The following RFT1 variants were observed in gnomAD, a reference collection of about 807,000 sequenced individuals.
The protein encoded by RFT1 is RFT1 glycolipid translocator homolog.
A neutral mutation model predicts 62.2 loss-of-function variants in RFT1; 43 were observed. The observed-to-expected ratio is 0.69, with a 90% CI of 0.54 to 0.89. The LOEUF is 0.89. RFT1 is among the 40% of genes least tolerant of loss of function. The probability of loss-of-function intolerance (pLI) is 0.00; values close to 1 mark genes in which losing one functional copy is unlikely to be tolerated. For synonymous variants in RFT1, 262 were observed against 264.6 expected (o/e 0.99, Z 0.10); for missense variants, 605 against 649.9 (o/e 0.93, Z 0.75).
chr3:53,080,063 G>GA, the RFT1 span, among the ~76,000 whole-genome samples: 6 of 151,928 alleles, frequency 3.9e-5, no homozygotes, highest in Non-Finnish European at 5.9e-5. Flanking sequence ...ACTTTCTTCA[G>GA]AAACTGCCAC....
At chr3:53,081,814 A>G in the RFT1 span, among the ~76,000 whole-genome samples, 1 of 152,214 alleles carries the variant, frequency 6.6e-6, no homozygotes, top group African/African-American at 2.4e-5. Flanking sequence ...TTTGTGCGAA[A>G]CAATTACCCT....
At chr3:53,101,867 G>A (rs538627892) in intron 10 of RFT1, among the ~76,000 whole-genome samples, 1 of 152,158 alleles carries the variant, frequency 6.6e-6, no homozygotes, top group Non-Finnish European at 1.5e-5. Flanking sequence ...GCGAAACCCC[G>A]TCTCTACTAA....
At chr3:53,118,917 CAGA>C (rs1324413275) in intron 6 of RFT1, among the ~76,000 whole-genome samples, 1 of 152,152 alleles carries the variant, frequency 6.6e-6, no homozygotes, top group East Asian at 1.9e-4. Flanking sequence ...GCCTGACACT[CAGA>C]AGGAGACCAC....
At chr3:53,114,642 C>CTATTTCACAAAT (rs1701742850) in intron 6 of RFT1, among the ~76,000 whole-genome samples, 1 of 152,102 alleles carries the variant, frequency 6.6e-6, no homozygotes, top group Non-Finnish European at 1.5e-5. Context: ...CAAAAGAGGC[C>CTATTTCACAAAT]TATTTCACAA....
chr3:53,111,715 A>G, intron 7 of RFT1, 115 bp downstream of exon 7: 5 of 867,116 alleles, frequency 5.8e-6, no homozygotes, highest in South Asian at 5.4e-5. Flanking sequence ...CCCATTTCTG[A>G]AATTCTTCTG....
chr3:53,080,769 CA>C, the RFT1 span, among the ~76,000 whole-genome samples: 2 of 152,162 alleles, frequency 1.3e-5, no homozygotes, highest in Non-Finnish European at 2.9e-5. Flanking sequence ...AACTGAGGCA[CA>C]GGGGGATCAA....
chr3:53,106,803 C>A lies in RFT1; in HGVS notation c.826+16G>T. ...GTGTTCACCTTTAATTAAAACACTA[C>A]AGAATTTCATCTTACCCTGATCACC... On this transcript the variant is annotated intron_variant, in intron 8 of 12. Coordinates refer to ENST00000296292, the MANE Select transcript of RFT1 (RefSeq NM_052859.4). 1.3e-6 allele frequency: 2 copies of A among 1,582,816 alleles called. No individual in the cohort carries two copies. The highest frequency in any genetic ancestry group is 1.7e-6 in the Non-Finnish European group (2 of 1,151,828).
Position 53,123,849 on chromosome 3 carries a change from G to C in RFT1, c.150-9C>G. ...AGTAAAGCAGCGTTAGTCTGTAAATGAAAGGGAGAAATCAATAAGGTCTCA... is the reference window on the plus strand; with the variant it reads ...AGTAAAGCAGCGTTAGTCTGTAAATCAAAGGGAGAAATCAATAAGGTCTCA... On this transcript the variant is annotated splice_polypyrimidine_tract_variant and intron_variant, in intron 2 of 12. Coordinates refer to ENST00000296292, the MANE Select transcript of RFT1 (RefSeq NM_052859.4). The C allele has an allele frequency of 6.2e-7, 1 of 1,602,854 alleles. No individual in the cohort carries two copies.
rs752385816 is a variant in RFT1 at position 53,106,868 on chromosome 3, G to A, written c.777C>T (p.Gly259=). The A allele has an allele frequency of 7.4e-6, 12 of 1,611,932 alleles. No homozygotes were observed. The East Asian group carries it at 8.9e-5, about 12-fold the overall frequency. The change falls in exon 8 of 13, where the codon GGC becomes GGT. Residue 259 remains glycine, a splice_region_variant and synonymous_variant. Coordinates refer to ENST00000296292, the MANE Select transcript of RFT1 (RefSeq NM_052859.4). ...QSFLKQILTE[G]ERYVMTFLNV... is the part of the protein sequence containing the mutation. ...TCAAAAATGTCATCACATATCGCTC[G>A]CCTATAAACAAAAAAGCAAAATAAT...
At chr3:53,092,676 C>A (rs976670481) in intron 11 of RFT1, 58 bp from the exon 12 acceptor site, 2 of 1,562,922 alleles carry the variant, frequency 1.3e-6, no homozygotes, top group Non-Finnish European at 1.7e-6. Context: ...CAAGGCTGCT[C>A]CCAAAACAGC....
the RFT1 span, among the ~76,000 whole-genome samples, chr3:53,071,878 C>T: frequency 3.3e-4 from 51 of 152,362 alleles, no homozygotes; most frequent in African/African-American, 9.6e-4. Flanking sequence ...CAGGTCCTTG[C>T]CTCCCGTGAC....
At chr3:53,123,869 G>C (rs1702036915) in intron 2 of RFT1, 29 bp from the exon 3 acceptor site, 1 of 1,565,082 alleles carries the variant, frequency 6.4e-7, no homozygotes, top group Non-Finnish European at 8.8e-7. Flanking sequence ...AATCAATAAG[G>C]TCTCAAGTTT....
chr3:53,102,998 C>T (rs1273852036), intron 10 of RFT1: 20 of 628,368 alleles, frequency 3.2e-5, no homozygotes, highest in South Asian at 7.0e-5. Context: ...GGCCTCCCCA[C>T]AGCTGCCAGA....
the RFT1 span, among the ~76,000 whole-genome samples, chr3:53,074,823 C>T: frequency 6.6e-6 from 1 of 152,192 alleles, no homozygotes; most frequent in Non-Finnish European, 1.5e-5. Context: ...GAAGCTCTGC[C>T]AGGAACAGCT....
At chr3:53,094,845 A>G (rs1319895596) in intron 11 of RFT1, among the ~76,000 whole-genome samples, 2 of 152,046 alleles carry the variant, frequency 1.3e-5, no homozygotes, top group African/African-American at 4.8e-5. Context: ...GGAGCTGATG[A>G]TGGGGTCCAT....
rs201161797 is a variant in RFT1 at position 53,125,893 on chromosome 3, G to A, written c.149+16C>T. The A allele has an allele frequency of 1.6e-4, 251 of 1,599,940 alleles. No homozygotes were observed. Among genetic ancestry groups the A allele is most frequent in the Non-Finnish European group, 2.0e-4 (231 of 1,167,672 alleles). On this transcript the variant is annotated intron_variant, in intron 2 of 12. Transcript: ENST00000296292. ...GAAGGTGAACTCTGACAGTGCCAGG[G>A]TGCATCTCCTCCTACCTTACATTTA...
chr3:53,118,053 C>A (rs1345263901), intron 6 of RFT1, among the ~76,000 whole-genome samples: 1 of 152,170 alleles, frequency 6.6e-6, no homozygotes, highest in African/African-American at 2.4e-5. Flanking sequence ...CTATACCCAG[C>A]TAATTAAAAA....
chr3:53,109,609 AG>A lies in RFT1; in HGVS notation c.775+2220del, dbSNP rs543475077. Reference sequence around the variant, plus strand: ...AGGATCGCTTGAGTCCAGGAGTTCAAGACCAGTCTGGGCAACATCACAAGAC... The same window carrying A: ...AGGATCGCTTGAGTCCAGGAGTTCAAACCAGTCTGGGCAACATCACAAGAC... On this transcript the variant is annotated intron_variant, in intron 7 of 12. Coordinates refer to ENST00000296292, the MANE Select transcript of RFT1 (RefSeq NM_052859.4). Among the ~76,000 whole-genome samples the A allele has an allele frequency of 4.7e-4, 71 of 152,292 alleles. 1 individual carries two copies. In the South Asian group the frequency reaches 0.015, roughly 31 times the overall value.
Position 53,098,530 on chromosome 3 carries a change from C to T in RFT1, c.1208+851G>A, listed in dbSNP as rs144775473. 2.3e-3 allele frequency among the ~76,000 whole-genome samples: 353 copies of T among 152,024 alleles called. 1 individual carries two copies. The highest frequency in any genetic ancestry group is 6.1e-3 in the African/African-American group (252 of 41,328). On this transcript the variant is annotated intron_variant, in intron 11 of 12. Transcript: ENST00000296292. ...ATGAAAACCCCCATGAGGCTGGGCA[C>T]GGTGGCTCATGCCTGTAATCCCGGC...
Sources: gnomAD v4.1 joint callset for allele counts (sites outside exome capture counted in the v4.1 genomes callset) on GRCh38, gnomAD v4.1.1 for gene constraint, MANE v1.5 for transcripts, NCBI Gene and HGNC (gene_info 2026-07-23, HGNC 2026-07-21) for gene names.